Variants in NAV2 observed in about 807,000 individuals in gnomAD.
NAV2 encodes the protein neuron navigator 2.
A neutral mutation model predicts 223.2 loss-of-function variants in NAV2; 54 were observed. The ratio of observed to expected loss-of-function variants is 0.24; its 90% CI spans 0.19 to 0.30. The LOEUF is 0.30. Ranked by LOEUF, NAV2 falls within the 10% of genes least tolerant of loss-of-function variation. The pLI is 1.00. For synonymous variants in NAV2, 1,279 were observed against 1,239.3 expected, an observed-to-expected ratio of 1.03 and a Z score of -0.67; for missense variants, 2,806 against 3,147.5, an observed-to-expected ratio of 0.89 and a Z score of 2.60.
At chr11:19,376,394 A>G (rs925061161) in intron 1 of NAV2, among the ~76,000 whole-genome samples, 1 of 152,202 alleles carries the variant, frequency 6.6e-6, no homozygotes, top group African/African-American at 2.4e-5. Flanking sequence ...TTTAAATCTC[A>G]TGACAACCTT....
chr11:19,417,186 C>T (rs1303881155), intron 1 of NAV2, among the ~76,000 whole-genome samples: 1 of 152,086 alleles, frequency 6.6e-6, no homozygotes, highest in Non-Finnish European at 1.5e-5. Context: ...AAAATTTTTG[C>T]GATCTATCCG....
chr11:19,910,022 T>C (rs2043181641), intron 6 of NAV2, among the ~76,000 whole-genome samples: 1 of 151,980 alleles, frequency 6.6e-6, no homozygotes. Flanking sequence ...CGTGGGGTGA[T>C]TGAGTTATTA....
At chr11:19,508,546 C>T (rs1009699767) in intron 1 of NAV2, among the ~76,000 whole-genome samples, 4 of 152,140 alleles carry the variant, frequency 2.6e-5, no homozygotes, top group East Asian at 1.9e-4. Context: ...TACTGTTGGG[C>T]GAGTTCCTAA....
intron 1 of NAV2, among the ~76,000 whole-genome samples, chr11:19,451,033 A>AGG (rs1851771700): frequency 6.6e-6 from 1 of 152,086 alleles, no homozygotes; most frequent in African/African-American, 2.4e-5. Context: ...TTAGTAAATC[A>AGG]CCACCCAGTA....
At chr11:20,080,620 C>A (rs1404390011) in intron 25 of NAV2, among the ~76,000 whole-genome samples, 1 of 152,172 alleles carries the variant, frequency 6.6e-6, no homozygotes, top group Non-Finnish European at 1.5e-5. Context: ...TAATCTTTAT[C>A]TATTTATTTA....
At position 19,934,070 on chromosome 11, in the gene NAV2, A is replaced by G; in HGVS notation, c.1826A>G (p.His609Arg). Residue 609 changes from histidine (H) to arginine (R), a missense_variant, in exon 7 of 38, where the codon CAC becomes CGC. His to Arg is a conservative substitution (Grantham distance 29, BLOSUM62 0). Coordinates refer to ENST00000349880, the MANE Select transcript of NAV2 (RefSeq NM_145117.5). ...CAGAAGCCCCAGCTGGACGGCAGAC[A>G]CTCCAGTTCCTCTTCCAGCCTGGCG... ...PQQKPQLDGRHSSSSSSLASS... is the reference protein window; with the variant it reads ...PQQKPQLDGRRSSSSSSLASS... The G allele has an allele frequency of 6.2e-7, 1 of 1,608,398 alleles. No individual in the cohort carries two copies. Among genetic ancestry groups the G allele is most frequent in the South Asian group, 1.1e-5 (1 of 90,426 alleles).
intron 10 of NAV2, among the ~76,000 whole-genome samples, chr11:19,953,864 T>C (rs747138788): frequency 2.6e-4 from 40 of 151,720 alleles, no homozygotes; most frequent in Admixed American, 1.4e-3. Flanking sequence ...CGCGCGTGTG[T>C]GTGTGTGTGT....
chr11:19,531,296 G>A (rs1337277847), intron 1 of NAV2, among the ~76,000 whole-genome samples: 6 of 152,186 alleles, frequency 3.9e-5, no homozygotes, highest in African/African-American at 1.4e-4. Context: ...ACCAGAGTAA[G>A]GAGGCAGGGA....
intron 1 of NAV2, among the ~76,000 whole-genome samples, chr11:19,438,320 A>G (rs1033310619): frequency 1.3e-5 from 2 of 152,252 alleles, no homozygotes; most frequent in Non-Finnish European, 2.9e-5. Context: ...GCAGTCATCA[A>G]CCACTGTGTG....
At chr11:19,519,599 G>A (rs910926903) in intron 1 of NAV2, among the ~76,000 whole-genome samples, 3 of 152,128 alleles carry the variant, frequency 2.0e-5, no homozygotes, top group Non-Finnish European at 4.4e-5. Flanking sequence ...AAGAAGGAAT[G>A]ACAGAATCCC....
At position 19,933,717 on chromosome 11, in the gene NAV2, A is replaced by G; in HGVS notation, c.1473A>G (p.Lys491=). 6.2e-7 allele frequency: 1 copy of G among 1,614,232 alleles called. No homozygotes were observed. The highest frequency in any genetic ancestry group is 8.5e-7 in the Non-Finnish European group (1 of 1,180,042). ...SLKGNEKEKE[K]QQREKDKEKS... ...AAGGCAATGAGAAAGAGAAGGAGAA[A>G]CAACAGCGGGAGAAGGATAAGGAGA... The change falls in exon 7 of 38, where the codon AAA becomes AAG. Residue 491 remains lysine, a synonymous_variant. Coordinates refer to ENST00000349880, the MANE Select transcript of NAV2 (RefSeq NM_145117.5). The surrounding 1 kb of genome is among the most constrained non-coding windows in gnomAD (Gnocchi z 4.3).
chr11:19,564,895 G>A (rs1361589668), intron 1 of NAV2, among the ~76,000 whole-genome samples: 4 of 152,226 alleles, frequency 2.6e-5, no homozygotes, highest in Admixed American at 2.6e-4. Context: ...AGCACTTTGG[G>A]AAGCAGAGGC....
intron 17 of NAV2, among the ~76,000 whole-genome samples, chr11:20,053,819 C>T (rs970954165): frequency 6.6e-6 from 1 of 152,220 alleles, no homozygotes; most frequent in African/African-American, 2.4e-5. Flanking sequence ...CCAGTGACGG[C>T]TCTTCTGAGC....
At chr11:19,362,014 G>A (rs1019674287) in intron 1 of NAV2, among the ~76,000 whole-genome samples, 1 of 152,154 alleles carries the variant, frequency 6.6e-6, no homozygotes, top group Non-Finnish European at 1.5e-5. Flanking sequence ...AGGTGAGTGA[G>A]GACAGTGGCT....
chr11:19,872,723 C>T (rs1053839069), intron 4 of NAV2, among the ~76,000 whole-genome samples: 5 of 152,316 alleles, frequency 3.3e-5, no homozygotes, highest in East Asian at 3.9e-4. Context: ...TGCCCCGACC[C>T]GCCTGCTGGA....
intron 11 of NAV2, among the ~76,000 whole-genome samples, chr11:19,997,233 C>T (rs2584842): frequency 0.16 from 24,467 of 152,124 alleles, 2,501 homozygotes; most frequent in East Asian, 0.49. Flanking sequence ...AGTGCAGGGA[C>T]GACTTTGGGT....
intron 1 of NAV2, among the ~76,000 whole-genome samples, chr11:19,607,213 G>A (rs936097420): frequency 6.6e-6 from 1 of 152,168 alleles, no homozygotes; most frequent in African/African-American, 2.4e-5. Context: ...CTCTGCATAG[G>A]CCCATGGGGG....
intron 1 of NAV2, among the ~76,000 whole-genome samples, chr11:19,656,242 G>A (rs2048121272): frequency 6.6e-6 from 1 of 152,212 alleles, no homozygotes; most frequent in African/African-American, 2.4e-5. Flanking sequence ...AGAGCTGCAG[G>A]AGGCGCTCTG....
At chr11:19,577,823 A>G (rs1335656229) in intron 1 of NAV2, among the ~76,000 whole-genome samples, 1 of 152,196 alleles carries the variant, frequency 6.6e-6, no homozygotes, top group Non-Finnish European at 1.5e-5. Context: ...CAGCAGCAGC[A>G]GGAGCAAGAT....
Sources: allele counts gnomAD v4.1 joint callset (sites outside exome capture counted in the v4.1 genomes callset), GRCh38; gene constraint gnomAD v4.1.1; non-coding constraint Gnocchi (gnomAD v3.1); transcripts MANE v1.5; gene names NCBI Gene and HGNC (gene_info 2026-07-23, HGNC 2026-07-21).